Variants in TENM3 observed in about 807,000 individuals in gnomAD.
The protein encoded by TENM3 is teneurin-3.
TENM3 carries 63 observed loss-of-function variants against 255.1 expected under a neutral mutation model. The observed-to-expected ratio is 0.25, with a 90% CI of 0.20 to 0.30. The LOEUF (loss-of-function observed/expected upper bound fraction) is 0.30. Among genes scored for constraint, TENM3 ranks in the 10% least tolerant of loss-of-function variants. The pLI, the probability that TENM3 is intolerant of heterozygous loss-of-function variation, is 1.00. For missense variants in TENM3, 2,929 were observed against 3,461.1 expected (o/e 0.85, Z 3.86); for synonymous variants, 1,306 against 1,322.3 (o/e 0.99, Z 0.27).
chr4:182,253,012 A>G lies in TENM3; in HGVS notation c.-76+9536A>G, dbSNP rs73003211. Among the ~76,000 whole-genome samples, 861 of 152,358 alleles carry G rather than the reference A, an allele frequency of 5.7e-3. 12 individuals carry two copies. The highest frequency in any genetic ancestry group is 0.02 in the African/African-American group (812 of 41,596). On this transcript the variant is annotated intron_variant, in intron 1 of 27. Coordinates refer to ENST00000511685, the MANE Select transcript of TENM3 (RefSeq NM_001080477.4). Reference sequence around the variant, plus strand: ...ATTTTCCCATGAACTCTGCCGGCAGACACGAAACTACCTCTGAAAGGAGAA... The same window carrying G: ...ATTTTCCCATGAACTCTGCCGGCAGGCACGAAACTACCTCTGAAAGGAGAA...
chr4:182,421,107 A>G (rs1434361057), intron 3 of TENM3, among the ~76,000 whole-genome samples: 1 of 152,232 alleles, frequency 6.6e-6, no homozygotes, highest in Non-Finnish European at 1.5e-5. Context: ...GAGATGTGAC[A>G]TTTTAAAAAT....
the TENM3 span, among the ~76,000 whole-genome samples, chr4:181,762,387 TC>T: frequency 1.3e-5 from 2 of 152,126 alleles, no homozygotes; most frequent in African/African-American, 2.4e-5. Flanking sequence ...CACCTGGATT[TC>T]CCCCCTGCCC....
chr4:182,785,392 A>G (rs1218520335), intron 24 of TENM3, among the ~76,000 whole-genome samples: 7 of 151,880 alleles, frequency 4.6e-5, no homozygotes, highest in Admixed American at 3.3e-4. Flanking sequence ...ATTTTTAATA[A>G]TAATTAAAAA....
At chr4:181,728,424 T>G in the TENM3 span, among the ~76,000 whole-genome samples, 1 of 152,228 alleles carries the variant, frequency 6.6e-6, no homozygotes. Context: ...CTTGATTATA[T>G]GCTAAACAAG....
the TENM3 span, among the ~76,000 whole-genome samples, chr4:181,847,922 C>G: frequency 6.6e-6 from 1 of 152,054 alleles, no homozygotes; most frequent in Non-Finnish European, 1.5e-5. Context: ...CTGCTCAGGA[C>G]TGAAAAGACT....
At chr4:181,892,472 A>G in the TENM3 span, among the ~76,000 whole-genome samples, 1 of 152,170 alleles carries the variant, frequency 6.6e-6, no homozygotes, top group East Asian at 1.9e-4. Flanking sequence ...TTAAAAATCT[A>G]TATTAGCTTC....
At chr4:182,264,141 C>A (rs1424490693) in intron 1 of TENM3, among the ~76,000 whole-genome samples, 1 of 152,186 alleles carries the variant, frequency 6.6e-6, no homozygotes, top group Non-Finnish European at 1.5e-5. Context: ...TTTATCTCTT[C>A]TGTAAAGTTT....
chr4:181,466,324 A>G, the TENM3 span, among the ~76,000 whole-genome samples: 1 of 151,822 alleles, frequency 6.6e-6, no homozygotes, highest in East Asian at 1.9e-4. Context: ...CACCATGTTG[A>G]TTAGGCTGGT....
intron 1 of TENM3, among the ~76,000 whole-genome samples, chr4:182,213,901 A>T (rs997282742): frequency 3.9e-5 from 6 of 152,014 alleles, no homozygotes; most frequent in African/African-American, 7.3e-5. Context: ...TCCTGGGTTC[A>T]CGCCATTCTC....
chr4:181,821,016 A>G, the TENM3 span, among the ~76,000 whole-genome samples: 8 of 152,290 alleles, frequency 5.3e-5, no homozygotes, highest in Middle Eastern at 3.4e-3. Flanking sequence ...CAGGTTGGGC[A>G]GTTCTGCCTG....
chr4:182,693,756 A>C (rs1332455103), intron 12 of TENM3, among the ~76,000 whole-genome samples: 1 of 152,244 alleles, frequency 6.6e-6, no homozygotes, highest in Non-Finnish European at 1.5e-5. Flanking sequence ...CAAGTCATTT[A>C]ACCTGTTTTA....
the TENM3 span, among the ~76,000 whole-genome samples, chr4:181,467,122 TA>T: frequency 5.2e-4 from 29 of 55,398 alleles, no homozygotes; most frequent in East Asian, 1.5e-3. Flanking sequence ...TATATATATA[TA>T]TATTTTTTTT....
chr4:182,562,048 GA>G (rs999314317), intron 3 of TENM3, among the ~76,000 whole-genome samples: 2 of 148,624 alleles, frequency 1.3e-5, no homozygotes, highest in South Asian at 4.2e-4. Flanking sequence ...ACCCTAACTT[GA>G]AAAAAATACC....
intron 12 of TENM3, among the ~76,000 whole-genome samples, chr4:182,705,992 C>T (rs953131785): frequency 3.9e-5 from 6 of 152,188 alleles, no homozygotes; most frequent in Admixed American, 3.9e-4. Context: ...GCGGTGTCAT[C>T]AGATAAACAT....
the TENM3 span, among the ~76,000 whole-genome samples, chr4:182,122,971 GTACTTCTATGTCA>G: frequency 3.2e-4 from 49 of 152,252 alleles, no homozygotes; most frequent in African/African-American, 1.1e-3. Flanking sequence ...GTTTCACCTG[GTACTTCTATGTCA>G]TGGAAGTGGC....
chr4:182,073,989 A>G, the TENM3 span, among the ~76,000 whole-genome samples: 1 of 152,168 alleles, frequency 6.6e-6, no homozygotes, highest in Non-Finnish European at 1.5e-5. Flanking sequence ...TCCAAATAGG[A>G]TAAGATTTTC....
intron 1 of TENM3, among the ~76,000 whole-genome samples, chr4:182,232,632 G>T: frequency 6.6e-6 from 1 of 152,014 alleles, no homozygotes; most frequent in Admixed American, 6.6e-5. Flanking sequence ...GGAGACCAAG[G>T]TTGCAGTGAG....
At chr4:182,389,974 C>G (rs928312471) in intron 3 of TENM3, among the ~76,000 whole-genome samples, 3 of 152,156 alleles carry the variant, frequency 2.0e-5, no homozygotes, top group African/African-American at 7.2e-5. Flanking sequence ...CGTGAGCCAC[C>G]GCGCCCGGCC....
chr4:181,834,768 T>C, the TENM3 span: 1 of 152,200 alleles, frequency 6.6e-6, no homozygotes, highest in African/African-American at 2.4e-5. Flanking sequence ...GCCAACCTGT[T>C]GGGGACAGAT....
Sources: gnomAD v4.1 joint callset for allele counts (sites outside exome capture counted in the v4.1 genomes callset) on GRCh38, gnomAD v4.1.1 for gene constraint, MANE v1.5 for transcripts, NCBI Gene and HGNC (gene_info 2026-07-23, HGNC 2026-07-21) for gene names.